PAX3: variants seen among roughly 807,000 people sequenced by gnomAD.
PAX3 encodes paired box 3.
PAX3 carries 14 observed loss-of-function variants against 51.6 expected under a neutral mutation model. The observed-to-expected ratio is 0.27, with a 90% CI of 0.18 to 0.42. The LOEUF (loss-of-function observed/expected upper bound fraction) is 0.42, where lower values mean the gene tolerates loss of function less well. PAX3 is among the 10% of genes least tolerant of loss of function. The probability of loss-of-function intolerance (pLI) is 1.00; values close to 1 mark genes in which losing one functional copy is unlikely to be tolerated. For synonymous variants in PAX3, 280 were observed against 253.4 expected (o/e 1.11, Z -1.00); for missense variants, 540 against 642.8 (o/e 0.84, Z 1.73).
Position 222,221,306 on chromosome 2 carries a change from C to G in PAX3, c.874G>C (p.Gly292Arg), listed in dbSNP as rs142651003. The change falls in exon 6 of 9, where the codon GGG becomes CGG. Residue 292 changes from glycine (G) to arginine (R), a missense_variant. Gly to Arg is a moderately radical substitution (Grantham distance 125). Around this residue, in one of 3 missense-constraint regions of PAX3, gnomAD observed 427 missense variants for 483.6 expected, o/e 0.88. Coordinates refer to ENST00000392070, the MANE Select transcript of PAX3 (RefSeq NM_181458.4). ...QLMAFNHLIP[G>R]GFPPTAMPTL... Reference sequence around the variant, plus strand: ...GGCATGGCAGTGGGAGGGAACCCCCCGGGAATGAGATGGTTGAAAGCCATC... The same window carrying G: ...GGCATGGCAGTGGGAGGGAACCCCCGGGGAATGAGATGGTTGAAAGCCATC... 6.2e-7 allele frequency: 1 copy of G among 1,614,008 alleles called. No individual in the cohort carries two copies. Among genetic ancestry groups the G allele is most frequent in the Non-Finnish European group, 8.5e-7 (1 of 1,179,952 alleles).
intron 4 of PAX3, among the ~76,000 whole-genome samples, chr2:222,243,169 G>A (rs1693084782): frequency 6.6e-6 from 1 of 152,138 alleles, no homozygotes; most frequent in Non-Finnish European, 1.5e-5. Context: ...AAAAAAGGCA[G>A]GTTTTAGAAG....
chr2:222,267,866 A>C (rs1694107515), intron 4 of PAX3, among the ~76,000 whole-genome samples: 1 of 152,228 alleles, frequency 6.6e-6, no homozygotes, highest in Non-Finnish European at 1.5e-5. Flanking sequence ...TCGTCGTATT[A>C]TATACGACTT....
chr2:222,277,313 C>G (rs148175872), intron 4 of PAX3, among the ~76,000 whole-genome samples: 1 of 152,178 alleles, frequency 6.6e-6, no homozygotes, highest in African/African-American at 2.4e-5. Context: ...CTCCTAGACT[C>G]TCAGTCTTGA....
intron 4 of PAX3, among the ~76,000 whole-genome samples, chr2:222,279,389 G>A (rs1467565221): frequency 6.6e-6 from 1 of 152,048 alleles, no homozygotes; most frequent in Non-Finnish European, 1.5e-5. Flanking sequence ...AGGGATTCAG[G>A]AAAGGAGAGG....
Position 222,202,018 on chromosome 2 carries a change from C to T in PAX3, c.1346G>A (p.Cys449Tyr). 1.9e-6 allele frequency: 3 copies of T among 1,614,036 alleles called. No homozygotes were observed. The highest frequency in any genetic ancestry group is 2.2e-5 in the East Asian group (1 of 44,838). ...GCCTGTGGTGCTATAGGTGGGTGGA[C>T]AGTAGGACTGAGATGTTGGCAGACT... ...LDSLPTSQSY[C>Y]PPTYSTTGYS... The change falls in exon 8 of 9, where the codon TGT (cysteine) becomes TAT (tyrosine). Residue 449 changes from cysteine (C) to tyrosine (Y), a missense_variant. Transcript: ENST00000392070.
At chr2:222,294,378 AC>A in intron 3 of PAX3, 77 bp from the exon 4 acceptor site, 1 of 1,525,378 alleles carries the variant, frequency 6.6e-7, no homozygotes. Flanking sequence ...AGGACCCCCC[AC>A]CCCCAAACAC....
intron 7 of PAX3, among the ~76,000 whole-genome samples, chr2:222,212,354 G>C (rs531845064): frequency 6.6e-6 from 1 of 151,962 alleles, no homozygotes; most frequent in Non-Finnish European, 1.5e-5. Context: ...AAGGTTACCC[G>C]AACAGTCATC....
intron 4 of PAX3, among the ~76,000 whole-genome samples, chr2:222,242,981 T>G (rs930219074): frequency 6.6e-6 from 1 of 152,172 alleles, no homozygotes; most frequent in African/African-American, 2.4e-5. Flanking sequence ...AGGTTCAATA[T>G]GTAAAGGAGA....
intron 4 of PAX3, among the ~76,000 whole-genome samples, chr2:222,285,471 A>G (rs1240177687): frequency 6.6e-6 from 1 of 152,238 alleles, no homozygotes; most frequent in Admixed American, 6.5e-5. Flanking sequence ...GAAGAGGGAT[A>G]TGTTTAAAAG....
chr2:222,286,203 G>A (rs760305771), intron 4 of PAX3, among the ~76,000 whole-genome samples: 1 of 152,244 alleles, frequency 6.6e-6, no homozygotes, highest in Non-Finnish European at 1.5e-5. Flanking sequence ...CTCCCAAAGT[G>A]CTGGGATTAC....
intron 8 of PAX3, 80 bp downstream of exon 8, chr2:222,201,864 T>G (rs1691305077): frequency 1.9e-6 from 3 of 1,612,872 alleles, no homozygotes; most frequent in Middle Eastern, 1.7e-4. Flanking sequence ...TAATCTTGCC[T>G]CTAATTCACC....
chr2:222,258,880 G>C (rs1693743268), intron 4 of PAX3, among the ~76,000 whole-genome samples: 1 of 152,168 alleles, frequency 6.6e-6, no homozygotes, highest in Non-Finnish European at 1.5e-5. Flanking sequence ...TGGTGATGCT[G>C]AGATTTCTTT....
chr2:222,293,246 C>G (rs938620991), intron 4 of PAX3, among the ~76,000 whole-genome samples: 1 of 152,220 alleles, frequency 6.6e-6, no homozygotes, highest in East Asian at 1.9e-4. Flanking sequence ...GGGGCAACCA[C>G]CCCCAAGGCC....
chr2:222,286,705 T>C (rs1443248200), intron 4 of PAX3, among the ~76,000 whole-genome samples: 1 of 152,254 alleles, frequency 6.6e-6, no homozygotes, highest in African/African-American at 2.4e-5. Flanking sequence ...CTTAACACTG[T>C]TGCCCTTATT....
intron 4 of PAX3, among the ~76,000 whole-genome samples, chr2:222,254,283 T>G (rs970714312): frequency 1.3e-5 from 2 of 152,208 alleles, no homozygotes; most frequent in African/African-American, 2.4e-5. Context: ...GGAGGGTAGC[T>G]CTCACAGTGT....
chr2:222,250,690 T>C (rs777898460), intron 4 of PAX3, among the ~76,000 whole-genome samples: 1 of 152,208 alleles, frequency 6.6e-6, no homozygotes, highest in African/African-American at 2.4e-5. Context: ...CTAAATACTA[T>C]CTTATATTTC....
Position 222,298,621 on chromosome 2 carries a change from G to A in PAX3, c.-6C>T, listed in dbSNP as rs1278437107. 56 of 1,601,562 alleles carry A rather than the reference G, an allele frequency of 3.5e-5. No homozygotes were observed. Among genetic ancestry groups the A allele is most frequent in the Non-Finnish European group, 4.7e-5 (55 of 1,174,456 alleles). On this transcript the variant is annotated 5_prime_UTR_variant, in exon 1 of 9. Coordinates refer to ENST00000392070, the MANE Select transcript of PAX3 (RefSeq NM_181458.4). ...GCGCCGGCCAGCGTGGTCATCCTGGGGGCAGCTTCGCTCGGAAATTATATC... is the reference window on the plus strand; with the variant it reads ...GCGCCGGCCAGCGTGGTCATCCTGGAGGCAGCTTCGCTCGGAAATTATATC...
chr2:222,256,414 C>A (rs45611636), intron 4 of PAX3, among the ~76,000 whole-genome samples: 1 of 151,940 alleles, frequency 6.6e-6, no homozygotes, highest in Non-Finnish European at 1.5e-5. Context: ...AGACCCCTGC[C>A]GTCCTTCCTT....
Position 222,298,028 on chromosome 2 carries a change from A to G in PAX3, c.85+503T>C, listed in dbSNP as rs79230931. ...AACTTCTAGATGCTATTTGAGATAC[A>G]TAGAATTCTAATTTATTTAATTATT... On this transcript the variant is annotated intron_variant, in intron 1 of 8. Coordinates refer to ENST00000392070, the MANE Select transcript of PAX3 (RefSeq NM_181458.4). 55 of 156,642 alleles carry G rather than the reference A, an allele frequency of 3.5e-4. No homozygotes were observed. The East Asian group carries it at 6.0e-3, about 17-fold the overall frequency. The allele number at this position is 156,642 out of a possible 1,614,324, so 9.7% of individuals were successfully genotyped here.
Sources: allele counts gnomAD v4.1 joint callset (sites outside exome capture counted in the v4.1 genomes callset), GRCh38; gene constraint gnomAD v4.1.1; regional missense constraint gnomAD v4.1.1; transcripts MANE v1.5; gene names NCBI Gene and HGNC (gene_info 2026-07-23, HGNC 2026-07-21).